The following EBF4 variants were observed in gnomAD, a reference collection of about 807,000 sequenced individuals.
EBF4 encodes EBF transcription factor 4.
EBF4 carries 34 observed loss-of-function variants against 67.1 expected under a neutral mutation model. That is an observed-to-expected ratio of 0.51 (90% CI 0.39 to 0.67). The LOEUF is 0.67. Among genes scored for constraint, EBF4 ranks in the 30% least tolerant of loss-of-function variants. The probability of loss-of-function intolerance (pLI) is 0.00; values close to 1 mark genes in which losing one functional copy is unlikely to be tolerated. For synonymous variants in EBF4, 387 were observed against 377.7 expected (o/e 1.02, Z -0.29); for missense variants, 837 against 873.3 (o/e 0.96, Z 0.52).
chr20:2,699,620 A>C (rs932004864), intron 1 of EBF4, among the ~76,000 whole-genome samples: 1 of 152,232 alleles, frequency 6.6e-6, no homozygotes, highest in African/African-American at 2.4e-5. Context: ...GAAAGCGAGG[A>C]AATGTATAAT....
intron 6 of EBF4, among the ~76,000 whole-genome samples, chr20:2,730,753 C>T (rs76415341): frequency 1.3e-5 from 2 of 152,338 alleles, no homozygotes; most frequent in South Asian, 2.1e-4. Flanking sequence ...AAACAGGACG[C>T]GCAGGGCCCT....
intron 6 of EBF4, among the ~76,000 whole-genome samples, chr20:2,744,485 T>C (rs1353502278): frequency 7.1e-5 from 7 of 97,918 alleles, no homozygotes; most frequent in African/African-American, 2.4e-4. Flanking sequence ...TTTTCTTTTT[T>C]TCTTTTCTTT....
chr20:2,732,819 T>C (rs769475389), intron 6 of EBF4, among the ~76,000 whole-genome samples: 1 of 135,146 alleles, frequency 7.4e-6, no homozygotes, highest in Non-Finnish European at 1.6e-5. Context: ...TTTTTCTTTT[T>C]CTTATTTTTT....
At chr20:2,737,035 G>C (rs1015228224) in intron 6 of EBF4, among the ~76,000 whole-genome samples, 7 of 151,900 alleles carry the variant, frequency 4.6e-5, no homozygotes, top group African/African-American at 1.5e-4. Flanking sequence ...AGATCACAAG[G>C]TCAGGAGATG....
chr20:2,701,695 C>T (rs573191135), intron 1 of EBF4, among the ~76,000 whole-genome samples: 2 of 152,242 alleles, frequency 1.3e-5, no homozygotes, highest in Non-Finnish European at 2.9e-5. Flanking sequence ...GGCAAGGCTT[C>T]CTTTTCTCTC....
intron 6 of EBF4, among the ~76,000 whole-genome samples, chr20:2,723,591 C>T (rs2087711759): frequency 6.6e-6 from 1 of 152,136 alleles, no homozygotes. Flanking sequence ...CCTCGTGATC[C>T]ACCCGCCTCG....
At position 2,751,825 on chromosome 20, in the gene EBF4, G is replaced by A. The variant is rs772028539; in HGVS notation, c.1107+37G>A. ...GGCGGGGCGGGGCGGGGCTGAGGGTGTCCTGTGGGCAAGGGGGTGAGGAGG... is the reference window on the plus strand; with the variant it reads ...GGCGGGGCGGGGCGGGGCTGAGGGTATCCTGTGGGCAAGGGGGTGAGGAGG... On this transcript the variant is annotated intron_variant, in intron 11 of 16. Coordinates refer to ENST00000609451, the Ensembl canonical transcript of EBF4. This position sits in a 1 kb window ranked among gnomAD's most constrained non-coding sequence, Gnocchi z 5.2. 38 of 1,548,698 alleles carry A rather than the reference G, an allele frequency of 2.5e-5. No individual in the cohort carries two copies. Among genetic ancestry groups the A allele is most frequent in the Non-Finnish European group, 1.1e-5 (13 of 1,146,206 alleles).
At chr20:2,724,747 T>C (rs2146431973) in intron 6 of EBF4, among the ~76,000 whole-genome samples, 1 of 152,058 alleles carries the variant, frequency 6.6e-6, no homozygotes, top group East Asian at 1.9e-4. Context: ...TCTACAAAAA[T>C]TAAAAAATTA....
intron 6 of EBF4, among the ~76,000 whole-genome samples, chr20:2,718,386 T>C (rs77824732): frequency 0.011 from 1,619 of 152,298 alleles, 29 homozygotes; most frequent in African/African-American, 0.037. Flanking sequence ...CTTTAAGTGT[T>C]TGGTGGAATT....
chr20:2,702,434 A>G (rs1038616085), intron 1 of EBF4, among the ~76,000 whole-genome samples: 1 of 152,122 alleles, frequency 6.6e-6, no homozygotes, highest in Non-Finnish European at 1.5e-5. Context: ...TCTCAAAAAA[A>G]AAAAAAAGAT....
At chr20:2,742,675 T>C (rs1421628635) in intron 6 of EBF4, among the ~76,000 whole-genome samples, 1 of 152,104 alleles carries the variant, frequency 6.6e-6, no homozygotes, top group African/African-American at 2.4e-5. Context: ...GGACTTGGGC[T>C]CACTTTACTC....
intron 6 of EBF4, among the ~76,000 whole-genome samples, chr20:2,730,506 G>A (rs943378985): frequency 7.2e-5 from 11 of 152,090 alleles, no homozygotes; most frequent in Non-Finnish European, 1.5e-4. Context: ...CACAGGTTCT[G>A]GGATGTAGAC....
At chr20:2,728,933 A>G (rs896634202) in intron 6 of EBF4, among the ~76,000 whole-genome samples, 10 of 152,112 alleles carry the variant, frequency 6.6e-5, no homozygotes, top group African/African-American at 2.4e-4. Flanking sequence ...TTTCCATATC[A>G]TAGTAGAGCT....
At chr20:2,711,470 T>A (rs2087544330) in intron 6 of EBF4, among the ~76,000 whole-genome samples, 2 of 152,252 alleles carry the variant, frequency 1.3e-5, no homozygotes, top group Admixed American at 1.3e-4. Context: ...AGGCTATTAC[T>A]AAGTAGAATT....
chr20:2,693,090 T>TGCCGCCACTGTCGCCGCC (rs1370998269), upstream of EBF4: 1 of 151,502 alleles, frequency 6.6e-6, no homozygotes, highest in African/African-American at 2.5e-5. This position sits in a 1 kb window ranked among gnomAD's most constrained non-coding sequence, Gnocchi z 4.6. Flanking sequence ...CTGCCGCCGC[T>TGCCGCCACTGTCGCCGCC]GCCGCCACTG....
chr20:2,735,924 G>A (rs567329481), intron 6 of EBF4, among the ~76,000 whole-genome samples: 3 of 152,296 alleles, frequency 2.0e-5, no homozygotes, highest in Admixed American at 1.3e-4. Flanking sequence ...ACAATGTAAG[G>A]CTTGAAGACC....
chr20:2,748,618 G>A, exon 7 of EBF4: 2 of 1,551,574 alleles, frequency 1.3e-6, no homozygotes, highest in Non-Finnish European at 1.7e-6. Context: ...CCAGAGACAT[G>A]CGCCGCTTCC....
intron 1 of EBF4, among the ~76,000 whole-genome samples, chr20:2,698,567 G>C (rs149613065): frequency 6.6e-6 from 1 of 152,138 alleles, no homozygotes; most frequent in Admixed American, 6.5e-5. Context: ...TTGGAGGAAG[G>C]GGGGATGTAG....
chr20:2,750,886 T>G (rs113499100), intron 10 of EBF4, among the ~76,000 whole-genome samples: 27 of 152,152 alleles, frequency 1.8e-4, no homozygotes, highest in African/African-American at 6.3e-4. Context: ...TAAGGACCGA[T>G]CCCCAGAAGT....
Sources: allele counts gnomAD v4.1 joint callset (sites outside exome capture counted in the v4.1 genomes callset), GRCh38; gene constraint gnomAD v4.1.1; non-coding constraint Gnocchi (gnomAD v3.1); transcripts MANE v1.5; gene names NCBI Gene and HGNC (gene_info 2026-07-23, HGNC 2026-07-21).